RIPOR2: variants seen among roughly 807,000 people sequenced by gnomAD.
RIPOR2 encodes rho family-interacting cell polarization regulator 2.
In RIPOR2, 39 loss-of-function variants were observed where a neutral mutation model predicts 114.5. The ratio of observed to expected loss-of-function variants is 0.34; its 90% CI spans 0.26 to 0.44. The LOEUF (loss-of-function observed/expected upper bound fraction) is 0.44, where lower values mean the gene tolerates loss of function less well. RIPOR2 is among the 20% of genes least tolerant of loss of function. The pLI is 1.00. For synonymous variants in RIPOR2, 445 were observed against 484.4 expected (o/e 0.92, Z 1.07); for missense variants, 1,007 against 1,255.1 (o/e 0.80, Z 2.99).
chr6:24,905,963 G>A (rs1768946525), intron 1 of RIPOR2, among the ~76,000 whole-genome samples: 1 of 152,144 alleles, frequency 6.6e-6, no homozygotes, highest in African/African-American at 2.4e-5. Context: ...TCACTTCCAG[G>A]GGTAGAGGTA....
intron 1 of RIPOR2, among the ~76,000 whole-genome samples, chr6:24,989,980 G>A (rs553731223): frequency 6.6e-5 from 10 of 151,798 alleles, no homozygotes; most frequent in Admixed American, 1.3e-4. Context: ...GCAGTGAGCC[G>A]AGATCATGCC....
chr6:24,899,893 A>C (rs1768246098), intron 1 of RIPOR2, among the ~76,000 whole-genome samples: 1 of 152,204 alleles, frequency 6.6e-6, no homozygotes. Context: ...GCTTACTTGG[A>C]GAAAAAGTGC....
chr6:24,830,726 A>T, intron 16 of RIPOR2, 56 bp from the exon 17 acceptor site: 2 of 1,485,358 alleles, frequency 1.3e-6, no homozygotes, highest in Non-Finnish European at 1.8e-6. Flanking sequence ...ATTTTATTTT[A>T]TTTTTTTGAG....
chr6:24,819,662 A>ATTTTTTTTTTTTTTTTT (rs35638159), intron 19 of RIPOR2, among the ~76,000 whole-genome samples: 16 of 103,290 alleles, frequency 1.5e-4, no homozygotes, highest in South Asian at 4.2e-4. Flanking sequence ...CGCCCAGCTA[A>ATTTTTTTTTTTTTTTTT]TTTTTTTTTT....
intron 1 of RIPOR2, among the ~76,000 whole-genome samples, chr6:24,970,127 C>T (rs906468289): frequency 1.3e-5 from 2 of 148,788 alleles, no homozygotes; most frequent in East Asian, 2.0e-4. Context: ...GGGCTGAGCA[C>T]CTCATGGAAG....
intron 1 of RIPOR2, among the ~76,000 whole-genome samples, chr6:24,996,529 G>T (rs909274244): frequency 6.6e-6 from 1 of 152,150 alleles, no homozygotes; most frequent in Non-Finnish European, 1.5e-5. Context: ...ATGGCCTTAT[G>T]CCCTCAAGCC....
chr6:24,949,969 G>A (rs192935539), intron 1 of RIPOR2, among the ~76,000 whole-genome samples: 5 of 152,226 alleles, frequency 3.3e-5, no homozygotes, highest in African/African-American at 7.2e-5. Flanking sequence ...GAAGCAGAGC[G>A]GGGAAGGGGT....
chr6:24,911,045 G>A (rs1027209449), intron 1 of RIPOR2: 1 of 929,262 alleles, frequency 1.1e-6, no homozygotes, highest in Non-Finnish European at 1.3e-6. Context: ...GCGGCGCGCG[G>A]GGTGAAGTTG....
At chr6:24,847,132 T>C (rs931627213) in intron 12 of RIPOR2, among the ~76,000 whole-genome samples, 3 of 151,954 alleles carry the variant, frequency 2.0e-5, no homozygotes, top group Non-Finnish European at 2.9e-5. Context: ...TTGTATTTTT[T>C]AGTAGAGGCA....
At chr6:24,994,961 C>T (rs762822348) in intron 1 of RIPOR2, among the ~76,000 whole-genome samples, 1 of 152,068 alleles carries the variant, frequency 6.6e-6, no homozygotes, top group Non-Finnish European at 1.5e-5. Flanking sequence ...ATGTATATGG[C>T]CCCAGTGTCT....
chr6:24,977,130 A>G (rs1433410749), intron 1 of RIPOR2: 1 of 673,092 alleles, frequency 1.5e-6, no homozygotes. Context: ...GTTCCCTCCC[A>G]TGCCTAGCTG....
At chr6:24,907,678 A>C (rs1769126750) in intron 1 of RIPOR2, among the ~76,000 whole-genome samples, 1 of 152,212 alleles carries the variant, frequency 6.6e-6, no homozygotes, top group African/African-American at 2.4e-5. Flanking sequence ...GTTCAGTTGA[A>C]TCAACTTGAA....
chr6:25,021,656 G>T (rs1307118926), intron 1 of RIPOR2, among the ~76,000 whole-genome samples: 1 of 152,166 alleles, frequency 6.6e-6, no homozygotes, highest in Middle Eastern at 3.2e-3. Flanking sequence ...TGGGAAGGGG[G>T]TGAGGGATAA....
At chr6:24,940,084 A>G (rs1022096087), upstream of RIPOR2, among the ~76,000 whole-genome samples, 5 of 152,248 alleles carry the variant, frequency 3.3e-5, no homozygotes, top group Admixed American at 2.6e-4. Flanking sequence ...AAGTAAATAT[A>G]TAAGTGAGAA....
chr6:24,851,035 A>G (rs1762848983), intron 9 of RIPOR2, among the ~76,000 whole-genome samples: 1 of 151,952 alleles, frequency 6.6e-6, no homozygotes. Context: ...AGCTGGGACT[A>G]CAGGCATGTG....
chr6:24,945,556 A>G (rs984652134), intron 1 of RIPOR2, among the ~76,000 whole-genome samples: 3 of 152,192 alleles, frequency 2.0e-5, no homozygotes, highest in African/African-American at 7.2e-5. Flanking sequence ...ATCTGTGTTG[A>G]CGGGCATATA....
Position 24,830,801 on chromosome 6 carries a change from C to T in RIPOR2, c.2345-131G>A, listed in dbSNP as rs549418967. ...CATGATCTCAGCTCACTGGAACTTCCGCCTCCTGGGTTCAAGTGATTCTCT... is the reference window on the plus strand; with the variant it reads ...CATGATCTCAGCTCACTGGAACTTCTGCCTCCTGGGTTCAAGTGATTCTCT... On this transcript the variant is annotated intron_variant, in intron 16 of 21. Transcript: ENST00000643898. The T allele has an allele frequency of 9.2e-5, 83 of 906,216 alleles. No individual in the cohort carries two copies. The East Asian group carries it at 1.7e-3, about 19-fold the overall frequency. The allele number at this position is 906,216 out of a possible 1,614,324, so 56.1% of individuals were successfully genotyped here. A position where few individuals can be genotyped will look rare whatever the true frequency, so the allele number is the denominator to read the frequency against.
At chr6:25,039,858 T>G (rs1777392811) in intron 1 of RIPOR2, among the ~76,000 whole-genome samples, 1 of 152,256 alleles carries the variant, frequency 6.6e-6, no homozygotes, top group African/African-American at 2.4e-5. Flanking sequence ...AGAAAACTGA[T>G]GGCTTCTTCA....
chr6:25,015,600 T>A (rs1775936817), intron 1 of RIPOR2: 1 of 152,194 alleles, frequency 6.6e-6, no homozygotes, highest in Admixed American at 6.5e-5. Context: ...GACAATTCAG[T>A]CACTTTTACC....
Sources: allele counts gnomAD v4.1 joint callset (sites outside exome capture counted in the v4.1 genomes callset), GRCh38; gene constraint gnomAD v4.1.1; transcripts MANE v1.5; gene names NCBI Gene and HGNC (gene_info 2026-07-23, HGNC 2026-07-21).